Variants in CADM2 observed in about 807,000 individuals in gnomAD.
The protein encoded by CADM2 is immunoglobulin superfamily member 4D.
In CADM2, 12 loss-of-function variants were observed where a neutral mutation model predicts 49.8. That is an observed-to-expected ratio of 0.24 (90% CI 0.15 to 0.39). CADM2 has a LOEUF of 0.39. CADM2 is among the 10% of genes least tolerant of loss of function. CADM2 has a pLI of 1.00. For synonymous variants in CADM2, 214 were observed against 175.4 expected, an observed-to-expected ratio of 1.22 and a Z score of -1.74; for missense variants, 378 against 492.3, an observed-to-expected ratio of 0.77 and a Z score of 2.20.
intron 8 of CADM2, among the ~76,000 whole-genome samples, chr3:86,008,839 C>T (rs1731120436): frequency 6.6e-6 from 1 of 151,554 alleles, no homozygotes; most frequent in Non-Finnish European, 1.5e-5. Context: ...CGATTTTTTC[C>T]AGTTTTCAAT....
intron 5 of CADM2, among the ~76,000 whole-genome samples, chr3:85,902,724 T>G (rs1163817625): frequency 6.6e-6 from 1 of 151,624 alleles, no homozygotes; most frequent in Non-Finnish European, 1.5e-5. Flanking sequence ...TTTTAAATTA[T>G]ATTGTTAGTA....
At position 85,823,108 on chromosome 3, in the gene CADM2, A is replaced by T. The variant is rs570807169; in HGVS notation, c.238+20912A>T. 4.6e-5 allele frequency among the ~76,000 whole-genome samples: 7 copies of T among 152,302 alleles called. No individual in the cohort carries two copies. In the South Asian group the frequency reaches 1.4e-3, roughly 32 times the overall value. ...GGAATGGGCTAGTTTCTTATCTTGTATAAATAAAAGTTTTTTGTTGTTCAG... is the reference window on the plus strand; with the variant it reads ...GGAATGGGCTAGTTTCTTATCTTGTTTAAATAAAAGTTTTTTGTTGTTCAG... On this transcript the variant is annotated intron_variant, in intron 3 of 9. Transcript: ENST00000383699.
At chr3:85,919,529 A>G (rs911630104) in intron 6 of CADM2, among the ~76,000 whole-genome samples, 3 of 151,928 alleles carry the variant, frequency 2.0e-5, no homozygotes, top group Non-Finnish European at 4.4e-5. Context: ...TTTGGGTCCA[A>G]TTGTTACTAA....
At chr3:85,698,479 C>T (rs2066640968) in intron 1 of CADM2, among the ~76,000 whole-genome samples, 1 of 152,198 alleles carries the variant, frequency 6.6e-6, no homozygotes, top group Non-Finnish European at 1.5e-5. Context: ...GTTCTGCAGG[C>T]TGTATAGGAA....
chr3:85,144,343 G>T (rs559118440), intron 1 of CADM2, among the ~76,000 whole-genome samples: 1 of 151,964 alleles, frequency 6.6e-6, no homozygotes, highest in African/African-American at 2.4e-5. Context: ...GGGCGCGATG[G>T]CTCACTCCTG....
intron 1 of CADM2, among the ~76,000 whole-genome samples, chr3:85,318,748 A>G (rs1383537049): frequency 6.6e-6 from 1 of 152,214 alleles, no homozygotes; most frequent in Non-Finnish European, 1.5e-5. Context: ...GCTATTAATA[A>G]TGAAATGATA....
At chr3:85,504,572 T>G (rs1302869957) in intron 1 of CADM2, among the ~76,000 whole-genome samples, 1 of 152,180 alleles carries the variant, frequency 6.6e-6, no homozygotes, top group African/African-American at 2.4e-5. Context: ...ACACCAAGCT[T>G]CTCCATGTCC....
chr3:85,703,641 A>G (rs1396514474), intron 1 of CADM2, among the ~76,000 whole-genome samples: 2 of 152,152 alleles, frequency 1.3e-5, no homozygotes, highest in African/African-American at 2.4e-5. Context: ...TTATTGCCCA[A>G]TTAATTAAAC....
intron 1 of CADM2, among the ~76,000 whole-genome samples, chr3:85,155,218 A>T (rs1365524948): frequency 6.7e-6 from 1 of 150,092 alleles, no homozygotes; most frequent in African/African-American, 2.5e-5. Context: ...AGACACACAT[A>T]GGCTCAAAAT....
intron 8 of CADM2, among the ~76,000 whole-genome samples, chr3:85,969,089 T>C (rs1725806049): frequency 6.6e-6 from 1 of 151,510 alleles, no homozygotes; most frequent in Non-Finnish European, 1.5e-5. Context: ...CTAGGGTCCC[T>C]TGTTCCACAC....
At chr3:85,294,576 T>A (rs950130478) in intron 1 of CADM2, among the ~76,000 whole-genome samples, 1 of 152,072 alleles carries the variant, frequency 6.6e-6, no homozygotes, top group Non-Finnish European at 1.5e-5. Flanking sequence ...AGCATGGTAC[T>A]GGTACCAAAA....
chr3:85,303,632 A>G (rs1429313409), intron 1 of CADM2, among the ~76,000 whole-genome samples: 1 of 151,982 alleles, frequency 6.6e-6, no homozygotes, highest in Non-Finnish European at 1.5e-5. Context: ...ATTATCTAGC[A>G]TATTCTTTAA....
intron 1 of CADM2, among the ~76,000 whole-genome samples, chr3:85,382,817 G>A (rs1270670755): frequency 1.6e-4 from 25 of 152,128 alleles, no homozygotes; most frequent in African/African-American, 4.8e-5. Flanking sequence ...TGAAGAAATA[G>A]TGAATTTATT....
chr3:85,864,360 AT>A (rs1378777361), intron 3 of CADM2, among the ~76,000 whole-genome samples: 2 of 152,090 alleles, frequency 1.3e-5, no homozygotes, highest in Non-Finnish European at 2.9e-5. Context: ...AAATATTTTG[AT>A]TAGTATTCTT....
intron 3 of CADM2, among the ~76,000 whole-genome samples, chr3:85,873,019 T>C (rs955505926): frequency 5.3e-5 from 8 of 152,148 alleles, no homozygotes; most frequent in Non-Finnish European, 1.0e-4. Flanking sequence ...GGCTGAAGTG[T>C]AAGAACATGG....
chr3:85,965,182 A>G (rs1041921265), intron 8 of CADM2, among the ~76,000 whole-genome samples: 7 of 150,906 alleles, frequency 4.6e-5, no homozygotes, highest in African/African-American at 1.2e-4. Context: ...TGGTCATACA[A>G]TGTGGCAGAT....
intron 2 of CADM2, among the ~76,000 whole-genome samples, chr3:85,772,503 C>CA (rs1157511981): frequency 1.3e-5 from 2 of 151,974 alleles, no homozygotes; most frequent in African/African-American, 2.4e-5. Context: ...CAGAAACAAA[C>CA]AAAAATGTAT....
intron 1 of CADM2, among the ~76,000 whole-genome samples, chr3:85,077,027 T>C (rs567848385): frequency 6.6e-6 from 1 of 152,286 alleles, no homozygotes; most frequent in African/African-American, 2.4e-5. Context: ...GAATACATTG[T>C]ATATGTTTGA....
intron 1 of CADM2, among the ~76,000 whole-genome samples, chr3:85,462,370 T>C (rs1288816419): frequency 1.3e-5 from 2 of 152,156 alleles, no homozygotes; most frequent in African/African-American, 2.4e-5. Flanking sequence ...CTATGACAAT[T>C]CCATTAAGCG....
Sources: allele counts gnomAD v4.1 joint callset (sites outside exome capture counted in the v4.1 genomes callset), GRCh38; gene constraint gnomAD v4.1.1; transcripts MANE v1.5; gene names NCBI Gene and HGNC (gene_info 2026-07-23, HGNC 2026-07-21).